Variants in LAMA2 observed in about 807,000 individuals in gnomAD.
The protein encoded by LAMA2 is laminin subunit alpha-2.
In LAMA2, 269 loss-of-function variants were observed where a neutral mutation model predicts 364.8. The observed-to-expected ratio is 0.74, with a 90% CI of 0.67 to 0.82. LAMA2 has a LOEUF of 0.82. Among genes scored for constraint, LAMA2 ranks in the 40% least tolerant of loss-of-function variants. The pLI, the probability that LAMA2 is intolerant of heterozygous loss-of-function variation, is 0.00. For missense variants in LAMA2, 3,807 were observed against 3,873.2 expected, an observed-to-expected ratio of 0.98 and a Z score of 0.45; for synonymous variants, 1,379 against 1,370.6, an observed-to-expected ratio of 1.01 and a Z score of -0.14.
At chr6:129,045,151 A>T (rs1277796844) in intron 1 of LAMA2, among the ~76,000 whole-genome samples, 1 of 152,192 alleles carries the variant, frequency 6.6e-6, no homozygotes, top group African/African-American at 2.4e-5. Context: ...ATGAAATTTC[A>T]TAAAGCAACT....
At chr6:129,293,753 T>A (rs1231080492) in intron 20 of LAMA2, among the ~76,000 whole-genome samples, 2 of 151,880 alleles carry the variant, frequency 1.3e-5, no homozygotes, top group African/African-American at 4.8e-5. Context: ...TCAGGACCTG[T>A]AGAGAATTGA....
chr6:129,457,128 C>G (rs1352409927), intron 48 of LAMA2, among the ~76,000 whole-genome samples: 1 of 152,026 alleles, frequency 6.6e-6, no homozygotes, highest in Non-Finnish European at 1.5e-5. Context: ...AATGGATAAT[C>G]CTGGGCTTGT....
chr6:129,048,807 GT>G (rs905992677), intron 1 of LAMA2, among the ~76,000 whole-genome samples: 42 of 151,934 alleles, frequency 2.8e-4, no homozygotes, highest in African/African-American at 9.7e-4. Context: ...TAGAGACAGG[GT>G]TTCACCATGT....
intron 28 of LAMA2, among the ~76,000 whole-genome samples, chr6:129,325,102 G>A (rs1348517084): frequency 3.3e-5 from 5 of 152,178 alleles, no homozygotes; most frequent in African/African-American, 1.2e-4. Flanking sequence ...GATAGGATAG[G>A]TCTCTACAGT....
chr6:129,213,203 A>G lies in LAMA2; in HGVS notation c.1782+20350A>G, dbSNP rs151335535. Among the ~76,000 whole-genome samples the G allele has an allele frequency of 2.6e-4, 40 of 152,304 alleles. 1 individual carries two copies. The highest frequency in any genetic ancestry group is 3.4e-3 in the Middle Eastern group (1 of 294). On this transcript the variant is annotated intron_variant, in intron 12 of 64. Coordinates refer to ENST00000421865, the MANE Select transcript of LAMA2 (RefSeq NM_000426.4). ...TTCCGCCATGTCTTTTCTTGCCTTG[A>G]TAATTCATTTCTTTTTAGCTCTGAA...
chr6:129,219,152 T>C (rs937433686), intron 12 of LAMA2, among the ~76,000 whole-genome samples: 6 of 152,196 alleles, frequency 3.9e-5, no homozygotes, highest in Non-Finnish European at 8.8e-5. Context: ...GTGTACATAT[T>C]TTATTTTCTT....
At chr6:129,249,415 T>A (rs912382942) in intron 12 of LAMA2, among the ~76,000 whole-genome samples, 3 of 152,174 alleles carry the variant, frequency 2.0e-5, no homozygotes, top group African/African-American at 7.2e-5. Flanking sequence ...AAGGTGACTG[T>A]CAATGTCAGA....
At chr6:129,115,214 T>G (rs987774551) in intron 4 of LAMA2, among the ~76,000 whole-genome samples, 12 of 152,112 alleles carry the variant, frequency 7.9e-5, no homozygotes, top group Non-Finnish European at 1.6e-4. Context: ...AACTCTATTT[T>G]ATCATTTAAG....
At chr6:128,924,952 TA>T (rs1376514097) in intron 1 of LAMA2, among the ~76,000 whole-genome samples, 4 of 152,196 alleles carry the variant, frequency 2.6e-5, no homozygotes, top group African/African-American at 9.6e-5. Flanking sequence ...ATTTCGGTTG[TA>T]AAAAATTCAA....
At chr6:128,996,143 G>C (rs9492183) in intron 1 of LAMA2, among the ~76,000 whole-genome samples, 48,866 of 152,046 alleles carry the variant, frequency 0.32, 9,040 homozygotes, top group African/African-American at 0.5. Context: ...GAAAGTAGTT[G>C]TGTCGGGCAA....
chr6:129,273,055 T>C (rs1788053225), intron 17 of LAMA2, among the ~76,000 whole-genome samples: 1 of 152,150 alleles, frequency 6.6e-6, no homozygotes, highest in Admixed American at 6.6e-5. Flanking sequence ...GAAGATTCTT[T>C]AACAACCAAG....
chr6:128,883,425 T>C (rs1438682016), intron 1 of LAMA2, 68 bp downstream of exon 1: 1 of 1,542,950 alleles, frequency 6.5e-7, no homozygotes, highest in African/African-American at 1.4e-5. Flanking sequence ...TCTTCCACTC[T>C]TCCGAGAGTT....
In LAMA2 at chr6:129,297,731, A is replaced by C; in HGVS notation, c.2903A>C (p.Asn968Thr). The C allele has an allele frequency of 6.2e-7, 1 of 1,614,108 alleles. No individual in the cohort carries two copies. The highest frequency in any genetic ancestry group is 8.5e-7 in the Non-Finnish European group (1 of 1,179,982). ...TCAGCAAGGGGCTGTGTTCCCTGCA[A>C]CTGCAATTCTTTTGGGTCTAAGTCA... ...LQSARGCVPC[N>T]CNSFGSKSFD... is the part of the protein sequence containing the mutation. Residue 968 changes from asparagine (N) to threonine (T), a missense_variant, in exon 21 of 65, where the codon AAC becomes ACC. Transcript: ENST00000421865.
chr6:128,955,081 A>G (rs1204929815), intron 1 of LAMA2, among the ~76,000 whole-genome samples: 1 of 151,942 alleles, frequency 6.6e-6, no homozygotes, highest in Admixed American at 6.6e-5. Context: ...AGTAGTAAGT[A>G]CTACTATCTC....
intron 39 of LAMA2, 109 bp downstream of exon 39, chr6:129,402,596 T>TGGCCTTTCTGTG: frequency 8.9e-7 from 1 of 1,117,972 alleles, no homozygotes; most frequent in African/African-American, 1.5e-5. Context: ...CTGTTAATTA[T>TGGCCTTTCTGTG]GAACACACTA....
intron 40 of LAMA2, among the ~76,000 whole-genome samples, chr6:129,412,785 GA>G (rs1186176023): frequency 6.6e-6 from 1 of 152,112 alleles, no homozygotes; most frequent in Non-Finnish European, 1.5e-5. Flanking sequence ...GCAGGGAAGA[GA>G]AAAAATGAAG....
At chr6:129,153,543 C>G (rs1227146327) in intron 7 of LAMA2, among the ~76,000 whole-genome samples, 1 of 152,200 alleles carries the variant, frequency 6.6e-6, no homozygotes, top group Admixed American at 6.5e-5. Flanking sequence ...TTTAGCAGTG[C>G]AGACTCTGGA....
At chr6:129,339,563 AG>A (rs1776141012) in intron 29 of LAMA2, among the ~76,000 whole-genome samples, 1 of 152,212 alleles carries the variant, frequency 6.6e-6, no homozygotes, top group Non-Finnish European at 1.5e-5. Context: ...GAAATCACCA[AG>A]GTAAATGTGG....
At position 129,393,249 on chromosome 6, in the gene LAMA2, A is replaced by T; in HGVS notation, c.5439A>T (p.Ala1813=). 6.2e-7 allele frequency: 1 copy of T among 1,612,610 alleles called. No homozygotes were observed. The highest frequency in any genetic ancestry group is 8.5e-7 in the Non-Finnish European group (1 of 1,178,664). ...LFAVNQKNMT[A]LEKKKEAVES... is the part of the protein sequence containing the mutation. ...CAGTAAATCAGAAAAACATGACTGC[A>T]TTGGAGGTGAGTCTTAGGGGCACTT... Residue 1813 remains alanine, a synonymous_variant, in exon 37 of 65, where the codon GCA becomes GCT. Coordinates refer to ENST00000421865, the MANE Select transcript of LAMA2 (RefSeq NM_000426.4).
Sources: allele counts gnomAD v4.1 joint callset (sites outside exome capture counted in the v4.1 genomes callset), GRCh38; gene constraint gnomAD v4.1.1; transcripts MANE v1.5; gene names NCBI Gene and HGNC (gene_info 2026-07-23, HGNC 2026-07-21).